The following DEFB104B variants were observed in gnomAD, a reference collection of about 807,000 sequenced individuals.
DEFB104B encodes the protein defensin beta 104B, also known as beta-defensin 104.
chr8:7,472,013 G>A (rs1450164499), intron 1 of DEFB104B, among the ~76,000 whole-genome samples: 1 of 151,450 alleles, frequency 6.6e-6, no homozygotes, highest in South Asian at 2.1e-4. Context: ...GTGCTGGATA[G>A]GATATTGAAG....
rs1190790079 is a variant in DEFB104B, at chr8:7,474,738, G to T, written c.58+273C>A. ...GGATTCCATGAGGAATTGTTACCGT[G>T]TGTGGCCAGGGTGCCAAGGACATCT... On this transcript the variant is annotated intron_variant, in intron 1 of 1. Transcript: ENST00000316169. Among the ~76,000 whole-genome samples, 7 of 138,698 alleles carry T rather than the reference G, an allele frequency of 5.0e-5. 1 individual carries two copies. The East Asian group carries it at 1.4e-3, about 28-fold the overall frequency. 91.0% of individuals were successfully genotyped at this position (138,698 alleles called of 152,430 possible). A position where few individuals can be genotyped will look rare whatever the true frequency, so the allele number is the denominator to read the frequency against.
chr8:7,471,215 CATAGAT>C (rs1810932080), intron 1 of DEFB104B, among the ~76,000 whole-genome samples: 1 of 134,772 alleles, frequency 7.4e-6, no homozygotes. Context: ...CAAACATAGA[CATAGAT>C]ATAGATATGT....
intron 1 of DEFB104B, among the ~76,000 whole-genome samples, chr8:7,472,280 A>G (rs1810980689): frequency 7.4e-6 from 1 of 135,974 alleles, no homozygotes; most frequent in Admixed American, 7.4e-5. Context: ...TGCTCAGGGA[A>G]AACGAAGCTT....
intron 1 of DEFB104B, among the ~76,000 whole-genome samples, chr8:7,472,747 G>A (rs529378241): frequency 3.0e-5 from 4 of 134,198 alleles, no homozygotes; most frequent in African/African-American, 1.2e-4. Flanking sequence ...CTGAGGACAT[G>A]TGCCCAAGGT....
At position 7,474,821 on chromosome 8, in the gene DEFB104B, G is replaced by A. The variant is rs115677341; in HGVS notation, c.58+190C>T. On this transcript the variant is annotated intron_variant, in intron 1 of 1. Coordinates refer to ENST00000316169, the MANE Select transcript of DEFB104B (RefSeq NM_001040702.1). ...CCTTGAGCTAGTAAGCCTCATGGCT[G>A]TAAGGTGCATACAAGGATTGCCACA... Among the ~76,000 whole-genome samples, 608 of 126,248 alleles carry A rather than the reference G, an allele frequency of 4.8e-3. 52 individuals carry two copies. Among genetic ancestry groups the A allele is most frequent in the African/African-American group, 0.016 (583 of 37,184 alleles). The allele number at this position is 126,248 out of a possible 152,430, so 82.8% of individuals were successfully genotyped here. A position where few individuals can be genotyped will look rare whatever the true frequency, so the allele number is the denominator to read the frequency against.
At chr8:7,471,087 A>T (rs1325790720) in intron 1 of DEFB104B, among the ~76,000 whole-genome samples, 5 of 152,146 alleles carry the variant, frequency 3.3e-5, no homozygotes, top group Non-Finnish European at 7.3e-5. Flanking sequence ...ATGCCCCAAA[A>T]GTATTTTTCT....
chr8:7,471,931 T>A (rs1810960305), intron 1 of DEFB104B, among the ~76,000 whole-genome samples: 1 of 149,922 alleles, frequency 6.7e-6, no homozygotes, highest in South Asian at 2.1e-4. Context: ...GCCTCCTGTT[T>A]CTGATGCTTA....
At chr8:7,472,292 G>A (rs78367453) in intron 1 of DEFB104B, among the ~76,000 whole-genome samples, 18,676 of 128,652 alleles carry the variant, frequency 0.15, 289 homozygotes, top group East Asian at 0.23. Context: ...ACGAAGCTTA[G>A]CGTTAGGGGA....
chr8:7,472,834 TTG>T (rs1290388970), intron 1 of DEFB104B, among the ~76,000 whole-genome samples: 1 of 130,080 alleles, frequency 7.7e-6, no homozygotes, highest in African/African-American at 3.3e-5. Context: ...AAGATTTGCT[TTG>T]TTTTTTTTGT....
intron 1 of DEFB104B, 151 bp downstream of exon 1, chr8:7,474,860 T>C (rs1483058029): frequency 1.9e-6 from 1 of 524,932 alleles, no homozygotes; most frequent in Non-Finnish European, 3.4e-6. Flanking sequence ...TGCATTTTAC[T>C]AATGGACCCA....
chr8:7,471,909 TG>T (rs1173735269), intron 1 of DEFB104B, among the ~76,000 whole-genome samples: 1 of 147,996 alleles, frequency 6.8e-6, no homozygotes, highest in African/African-American at 2.6e-5. Flanking sequence ...TCATTTGTTC[TG>T]GTAAAGAGAA....
At chr8:7,472,881 C>G (rs7001088) in intron 1 of DEFB104B, among the ~76,000 whole-genome samples, 120,713 of 120,830 alleles carry the variant, frequency 1, 60,305 homozygotes, top group Non-Finnish European at 1. Flanking sequence ...TTTTGAGACA[C>G]AGTCTTGCTC....
intron 1 of DEFB104B, among the ~76,000 whole-genome samples, chr8:7,472,631 G>A (rs1174699503): frequency 1.6e-5 from 2 of 126,932 alleles, no homozygotes; most frequent in Admixed American, 1.6e-4. Flanking sequence ...TTCCTCCTCT[G>A]CTCTACAGAC....
At chr8:7,472,867 T>G (rs1811002591) in intron 1 of DEFB104B, among the ~76,000 whole-genome samples, 1 of 131,694 alleles carries the variant, frequency 7.6e-6, no homozygotes, top group Non-Finnish European at 1.6e-5. Flanking sequence ...GTTTGTTTGG[T>G]TTTTTTTGAG....
chr8:7,474,467 A>G (rs1167511117), intron 1 of DEFB104B, among the ~76,000 whole-genome samples: 2 of 142,044 alleles, frequency 1.4e-5, no homozygotes, highest in Admixed American at 1.4e-4. Flanking sequence ...GGCACCTGCT[A>G]TTTGTGTTGT....
At position 7,474,649 on chromosome 8, in the gene DEFB104B, A is replaced by C. The variant is rs1031360526; in HGVS notation, c.58+362T>G. Among the ~76,000 whole-genome samples, 5 of 141,292 alleles carry C rather than the reference A, an allele frequency of 3.5e-5. 1 individual carries two copies. Among genetic ancestry groups the C allele is most frequent in the African/African-American group, 1.3e-4 (5 of 38,528 alleles). 92.7% of individuals were successfully genotyped at this position (141,292 alleles called of 152,430 possible). The stretch of plus-strand genomic sequence containing the variant: ...AGAAGGCATCTTATTCTACAAAATC[A>C]ACAATGAATAATTGCTGCTGCCCTG... On this transcript the variant is annotated intron_variant, in intron 1 of 1. Coordinates refer to ENST00000316169, the MANE Select transcript of DEFB104B (RefSeq NM_001040702.1).
At chr8:7,474,892 G>A (rs1229295164) in intron 1 of DEFB104B, 119 bp downstream of exon 1, 1 of 456,382 alleles carries the variant, frequency 2.2e-6, no homozygotes, top group East Asian at 4.0e-5. Flanking sequence ...GAGAAAAAAG[G>A]CTGAGATTGA....
intron 1 of DEFB104B, among the ~76,000 whole-genome samples, chr8:7,473,944 C>T (rs1481054009): frequency 7.1e-6 from 1 of 140,252 alleles, no homozygotes; most frequent in Admixed American, 7.2e-5. Context: ...TTGAAGAAAA[C>T]CTGTTCTTTG....
intron 1 of DEFB104B, among the ~76,000 whole-genome samples, chr8:7,474,442 T>G (rs1378412094): frequency 2.1e-5 from 3 of 142,250 alleles, no homozygotes; most frequent in Non-Finnish European, 4.7e-5. Flanking sequence ...TAAAATTTCC[T>G]GAGCAGAGTT....
Sources: allele counts gnomAD v4.1 joint callset (sites outside exome capture counted in the v4.1 genomes callset), GRCh38; gene constraint gnomAD v4.1.1; transcripts MANE v1.5; gene names NCBI Gene and HGNC (gene_info 2026-07-23, HGNC 2026-07-21).